The following CNTN4 variants were observed in gnomAD, a reference collection of about 807,000 sequenced individuals.
CNTN4 encodes the protein contactin 4, also known as contactin-4.
A neutral mutation model predicts 122.5 loss-of-function variants in CNTN4; 77 were observed. That is an observed-to-expected ratio of 0.63 (90% CI 0.52 to 0.76). The LOEUF is 0.76. CNTN4 is among the 30% of genes least tolerant of loss of function. The pLI, the probability that CNTN4 is intolerant of heterozygous loss-of-function variation, is 0.00. For missense variants in CNTN4, 1,256 were observed against 1,259.1 expected, an observed-to-expected ratio of 1.00 and a Z score of 0.04; for synonymous variants, 512 against 447.0, an observed-to-expected ratio of 1.15 and a Z score of -1.83.
intron 4 of CNTN4, among the ~76,000 whole-genome samples, chr3:2,627,694 C>G (rs144628299): frequency 0.12 from 18,527 of 151,782 alleles, 1,196 homozygotes; most frequent in South Asian, 0.23. Context: ...GGGGTTTCAC[C>G]GTGTTAGCCA....
chr3:2,983,771 T>C (rs576675578), intron 13 of CNTN4, among the ~76,000 whole-genome samples: 1 of 152,336 alleles, frequency 6.6e-6, no homozygotes, highest in Admixed American at 6.5e-5. Context: ...TCTTAGTTAC[T>C]ACACTATATT....
At chr3:2,916,304 C>A (rs2094353539) in intron 12 of CNTN4, among the ~76,000 whole-genome samples, 1 of 151,120 alleles carries the variant, frequency 6.6e-6, no homozygotes, top group Non-Finnish European at 1.5e-5. Context: ...AGCAGATAAA[C>A]AAGTGAACAA....
intron 6 of CNTN4, among the ~76,000 whole-genome samples, chr3:2,778,154 T>A (rs6763857): frequency 0.011 from 1,201 of 108,140 alleles, 248 homozygotes; most frequent in African/African-American, 0.045. Context: ...GCGGAGCTTG[T>A]GGTGAGCCGA....
At chr3:2,627,895 G>A (rs950285058) in intron 4 of CNTN4, among the ~76,000 whole-genome samples, 1 of 152,144 alleles carries the variant, frequency 6.6e-6, no homozygotes. Flanking sequence ...TACTTTAATT[G>A]AAGATATTCA....
At chr3:2,507,658 C>G (rs2076768629) in intron 3 of CNTN4, among the ~76,000 whole-genome samples, 1 of 151,172 alleles carries the variant, frequency 6.6e-6, no homozygotes, top group Non-Finnish European at 1.5e-5. Flanking sequence ...TCACTTGAAC[C>G]CAGGAGGCGG....
intron 2 of CNTN4, among the ~76,000 whole-genome samples, chr3:2,271,415 T>G (rs2041291431): frequency 6.6e-6 from 1 of 152,192 alleles, no homozygotes. Context: ...ATTCAATTTC[T>G]GTCTCCGTAG....
chr3:2,210,450 A>G (rs1252189109), intron 2 of CNTN4, among the ~76,000 whole-genome samples: 10 of 152,076 alleles, frequency 6.6e-5, no homozygotes, highest in Admixed American at 6.5e-4. Flanking sequence ...AGCTTCCTTA[A>G]TGGTCTCCTT....
intron 3 of CNTN4, among the ~76,000 whole-genome samples, chr3:2,551,200 C>T (rs2078489606): frequency 6.6e-6 from 1 of 152,042 alleles, no homozygotes; most frequent in South Asian, 2.1e-4. Flanking sequence ...TTAATTCCTT[C>T]AGAACCAGAG....
chr3:2,830,619 G>C (rs1188345306), intron 7 of CNTN4, among the ~76,000 whole-genome samples: 1 of 152,180 alleles, frequency 6.6e-6, no homozygotes, highest in Admixed American at 6.5e-5. Flanking sequence ...GTACTAGCCA[G>C]AAGAGAACAA....
intron 12 of CNTN4, among the ~76,000 whole-genome samples, chr3:2,912,192 A>G (rs971120291): frequency 2.6e-5 from 4 of 152,254 alleles, no homozygotes; most frequent in Non-Finnish European, 5.9e-5. Context: ...GCAGCAAGAG[A>G]AAAGCAACCC....
intron 4 of CNTN4, among the ~76,000 whole-genome samples, chr3:2,617,669 T>C (rs926170098): frequency 1.3e-5 from 2 of 152,012 alleles, no homozygotes; most frequent in Admixed American, 1.3e-4. Context: ...GATCCGCCTG[T>C]CTCGGCCTCC....
At chr3:2,548,860 G>T (rs370103497) in intron 3 of CNTN4, among the ~76,000 whole-genome samples, 1 of 151,972 alleles carries the variant, frequency 6.6e-6, no homozygotes. Context: ...TTTGAGCAGC[G>T]GTTTGTAGTT....
At chr3:2,415,476 G>A (rs537758015) in intron 3 of CNTN4, among the ~76,000 whole-genome samples, 3 of 152,246 alleles carry the variant, frequency 2.0e-5, no homozygotes, top group South Asian at 4.1e-4. Context: ...ATTGTTGGGT[G>A]CCTTTAAAAA....
intron 3 of CNTN4, among the ~76,000 whole-genome samples, chr3:2,530,455 C>T (rs113228173): frequency 0.011 from 1,605 of 151,786 alleles, 19 homozygotes; most frequent in Middle Eastern, 0.027. Context: ...ATTACAGATG[C>T]GCGCCACCAT....
chr3:3,012,501 G>A (rs1697331823), intron 14 of CNTN4, among the ~76,000 whole-genome samples: 1 of 151,888 alleles, frequency 6.6e-6, no homozygotes, highest in Non-Finnish European at 1.5e-5. Flanking sequence ...CCGGGCTGGA[G>A]TGCAATGGCG....
intron 7 of CNTN4, among the ~76,000 whole-genome samples, chr3:2,858,669 G>T (rs11715423): frequency 0.34 from 51,994 of 151,098 alleles, 9,181 homozygotes; most frequent in Middle Eastern, 0.46. Context: ...GCTGCACCCC[G>T]GCACTCCAGC....
At chr3:2,831,815 C>G (rs2093111740) in intron 7 of CNTN4, among the ~76,000 whole-genome samples, 1 of 152,182 alleles carries the variant, frequency 6.6e-6, no homozygotes, top group Non-Finnish European at 1.5e-5. Context: ...CTCTCATTCC[C>G]TCAAATCAGC....
At chr3:2,917,817 G>A (rs544793832) in intron 12 of CNTN4, among the ~76,000 whole-genome samples, 57 of 152,302 alleles carry the variant, frequency 3.7e-4, no homozygotes, top group Admixed American at 1.3e-3. Flanking sequence ...TTGGTATAAT[G>A]ACCCTGTGTC....
At position 2,438,536 on chromosome 3, in the gene CNTN4, A is replaced by C. The variant is rs527697456; in HGVS notation, c.-89+99303A>C. On this transcript the variant is annotated intron_variant, in intron 3 of 24. Coordinates refer to ENST00000418658, the MANE Select transcript of CNTN4 (RefSeq NM_175607.3). The stretch of plus-strand genomic sequence containing the variant: ...GACTCTGTCTCAAAACAACCCCCCC[A>C]AAAAAAACCTGTTTTGTTTATTCAT... Among the ~76,000 whole-genome samples, 302 of 152,030 alleles carry C rather than the reference A, an allele frequency of 2.0e-3. 2 individuals are homozygous for C. The highest frequency in any genetic ancestry group is 6.5e-3 in the African/African-American group (269 of 41,458).
Sources: allele counts gnomAD v4.1 joint callset (sites outside exome capture counted in the v4.1 genomes callset), GRCh38; gene constraint gnomAD v4.1.1; transcripts MANE v1.5; gene names NCBI Gene and HGNC (gene_info 2026-07-23, HGNC 2026-07-21).